Variants in NUP205 observed in about 807,000 individuals in gnomAD.
NUP205 encodes nuclear pore complex protein Nup205.
A neutral mutation model predicts 253.8 loss-of-function variants in NUP205; 76 were observed. That is an observed-to-expected ratio of 0.30 (90% CI 0.25 to 0.36). The LOEUF (loss-of-function observed/expected upper bound fraction) is 0.36. Among genes scored for constraint, NUP205 ranks in the 10% least tolerant of loss-of-function variants. The pLI is 1.00. For synonymous variants in NUP205, 832 were observed against 850.1 expected, an observed-to-expected ratio of 0.98 and a Z score of 0.37; for missense variants, 2,162 against 2,425.5, an observed-to-expected ratio of 0.89 and a Z score of 2.28.
chr7:135,589,561 T>C (rs1411440378), intron 10 of NUP205, among the ~76,000 whole-genome samples: 3 of 151,362 alleles, frequency 2.0e-5, no homozygotes, highest in Admixed American at 1.3e-4. Flanking sequence ...GTGCTGGGAT[T>C]GTAGGCATGA....
chr7:135,587,951 T>C lies in NUP205; in HGVS notation c.1432T>C (p.Ser478Pro). ...TCTTCAGACTCCGACTATCATGGGC[T>C]CTTATCTAGGGGTGGCTCATCAGCG... ...EPLQTPTIMG[S>P]YLGVAHQRPP... is the part of the protein sequence containing the mutation. The change falls in exon 10 of 43, where the codon TCT (serine) becomes CCT (proline). Residue 478 changes from serine (S) to proline (P), a missense_variant. Physicochemically the swap from Ser to Pro is moderately conservative, Grantham distance 74. Around this residue, in one of 5 missense-constraint regions of NUP205, gnomAD observed 892 missense variants for 957.1 expected, o/e 0.93. Coordinates refer to ENST00000285968, the MANE Select transcript of NUP205 (RefSeq NM_015135.3). The C allele has an allele frequency of 6.2e-7, 1 of 1,613,828 alleles. No individual in the cohort carries two copies. Among genetic ancestry groups the C allele is most frequent in the Non-Finnish European group, 8.5e-7 (1 of 1,179,904 alleles).
At chr7:135,596,053 G>T (rs1289551145) in intron 13 of NUP205, among the ~76,000 whole-genome samples, 1 of 152,072 alleles carries the variant, frequency 6.6e-6, no homozygotes, top group Non-Finnish European at 1.5e-5. Context: ...TCCTGCCTCA[G>T]CCTCCCAAGT....
intron 36 of NUP205, among the ~76,000 whole-genome samples, chr7:135,636,988 A>G (rs538185093): frequency 6.6e-6 from 1 of 152,376 alleles, no homozygotes; most frequent in South Asian, 2.1e-4. Context: ...CCTGGGCAAC[A>G]GAGTGAGAGA....
chr7:135,628,187 A>T (rs894208311), intron 34 of NUP205, 76 bp downstream of exon 34: 4 of 1,383,114 alleles, frequency 2.9e-6, no homozygotes, highest in Non-Finnish European at 4.0e-6. Context: ...TTACACACAT[A>T]GAATGCTTAA....
rs1794095522 is a variant in NUP205, at chr7:135,606,818, C to A, written c.2973C>A (p.Leu991=). Residue 991 remains leucine, a synonymous_variant, in exon 21 of 43, where the codon CTC becomes CTA. Coordinates refer to ENST00000285968, the MANE Select transcript of NUP205 (RefSeq NM_015135.3). ...CAAGAATCCACATCTTGAATCTTCT[C>A]ATTACCTCTCTGGAATGCAATCCAC... is the stretch of plus-strand genomic sequence containing the variant. ...HETRIHILNL[L]ITSLECNPPN... 2 of 1,613,752 alleles carry A rather than the reference C, an allele frequency of 1.2e-6. No individual in the cohort carries two copies. Among genetic ancestry groups the A allele is most frequent in the African/African-American group, 1.3e-5 (1 of 75,040 alleles).
At chr7:135,625,114 G>C in intron 31 of NUP205, 50 bp from the exon 32 acceptor site, 1 of 1,406,096 alleles carries the variant, frequency 7.1e-7, no homozygotes, top group South Asian at 1.3e-5. Flanking sequence ...TACTGTTGTT[G>C]ATTTTGGTAG....
chr7:135,610,563 G>C (rs919427893), intron 22 of NUP205, among the ~76,000 whole-genome samples: 1 of 151,922 alleles, frequency 6.6e-6, no homozygotes, highest in Non-Finnish European at 1.5e-5. Flanking sequence ...ATGGCCCAGG[G>C]ACCAGTATCA....
chr7:135,600,529 T>G (rs1793945007), intron 15 of NUP205, among the ~76,000 whole-genome samples: 1 of 152,232 alleles, frequency 6.6e-6, no homozygotes, highest in African/African-American at 2.4e-5. Flanking sequence ...GTGAAATGTT[T>G]GGCACTTGAA....
intron 36 of NUP205, among the ~76,000 whole-genome samples, chr7:135,635,930 C>T (rs748725812): frequency 1.3e-5 from 2 of 152,112 alleles, no homozygotes; most frequent in African/African-American, 4.8e-5. Context: ...TCCCATAACA[C>T]CCCCTGAAAC....
At chr7:135,644,053 G>A (rs574503983) in intron 39 of NUP205, among the ~76,000 whole-genome samples, 2 of 152,238 alleles carry the variant, frequency 1.3e-5, no homozygotes, top group East Asian at 3.9e-4. Context: ...CCACTTTTCT[G>A]GTAAACTCAG....
At chr7:135,564,744 C>T (rs1805699131) in intron 1 of NUP205, among the ~76,000 whole-genome samples, 2 of 151,138 alleles carry the variant, frequency 1.3e-5, no homozygotes, top group South Asian at 4.2e-4. Flanking sequence ...GGCCAGTGAA[C>T]CTGTTTTTTT....
At chr7:135,598,977 G>A (rs943669779) in intron 15 of NUP205, 1 of 152,004 alleles carries the variant, frequency 6.6e-6, no homozygotes, top group African/African-American at 2.4e-5. Context: ...ACCCTTGGTT[G>A]TATCTTGTAG....
chr7:135,562,144 G>A (rs77998268), intron 1 of NUP205, among the ~76,000 whole-genome samples: 9,677 of 152,016 alleles, frequency 0.064, 427 homozygotes, highest in East Asian at 0.24. Flanking sequence ...CTTGTAAACA[G>A]CTCTCAATAG....
At chr7:135,614,567 A>G (rs1029785003) in intron 23 of NUP205, among the ~76,000 whole-genome samples, 5 of 152,218 alleles carry the variant, frequency 3.3e-5, no homozygotes, top group African/African-American at 4.8e-5. Flanking sequence ...TTTTTGAATG[A>G]AAATTGTTTT....
intron 8 of NUP205, among the ~76,000 whole-genome samples, chr7:135,585,483 TTATTTAA>T (rs1350931810): frequency 6.6e-6 from 1 of 152,164 alleles, no homozygotes; most frequent in African/African-American, 2.4e-5. Context: ...TAAGGTTGCT[TTATTTAA>T]TATTTTTATA....
intron 1 of NUP205, among the ~76,000 whole-genome samples, chr7:135,559,902 G>C (rs965313788): frequency 6.7e-6 from 1 of 149,450 alleles, no homozygotes; most frequent in African/African-American, 2.5e-5. Context: ...TCTGTTGCCC[G>C]GGCTGGAGTG....
At chr7:135,591,962 A>C (rs1164028418) in intron 11 of NUP205, among the ~76,000 whole-genome samples, 2 of 152,144 alleles carry the variant, frequency 1.3e-5, no homozygotes, top group Admixed American at 1.3e-4. Flanking sequence ...CAGTACTTAG[A>C]ATTTTTCTCT....
At position 135,645,567 on chromosome 7, in the gene NUP205, G is replaced by A; in HGVS notation, c.5783G>A (p.Arg1928Lys). 6.2e-7 allele frequency: 1 copy of A among 1,614,080 alleles called. No homozygotes were observed. The highest frequency in any genetic ancestry group is 8.5e-7 in the Non-Finnish European group (1 of 1,180,000). The stretch of plus-strand genomic sequence containing the variant: ...TCTCAAGATTCCTTATTTGCCTCGA[G>A]AACCTTGTTTAAAAGCAGAAGACTG... ...TDSQDSLFASRTLFKSRRLQD... is the reference protein window; with the variant it reads ...TDSQDSLFASKTLFKSRRLQD... Residue 1928 changes from arginine (R) to lysine (K), a missense_variant, in exon 41 of 43, where the codon AGA (arginine) becomes AAA (lysine). Coordinates refer to ENST00000285968, the MANE Select transcript of NUP205 (RefSeq NM_015135.3).
intron 38 of NUP205, among the ~76,000 whole-genome samples, chr7:135,642,012 T>C (rs1230040716): frequency 6.6e-6 from 1 of 151,962 alleles, no homozygotes; most frequent in African/African-American, 2.4e-5. Context: ...CCCAGCACTT[T>C]GGGAGGCCGA....
Sources: allele counts gnomAD v4.1 joint callset (sites outside exome capture counted in the v4.1 genomes callset), GRCh38; gene constraint gnomAD v4.1.1; regional missense constraint gnomAD v4.1.1; transcripts MANE v1.5; gene names NCBI Gene and HGNC (gene_info 2026-07-23, HGNC 2026-07-21).